CFAP299: variants seen among roughly 807,000 people sequenced by gnomAD.
CFAP299 encodes cilia and flagella associated protein 299.
Under a neutral mutation model 27.0 loss-of-function variants are expected in CFAP299, and 21 were observed. The observed-to-expected ratio is 0.78, with a 90% confidence interval of 0.55 to 1.12. The LOEUF is 1.12. Ranked by LOEUF, CFAP299 falls within the 50% of genes most tolerant of loss-of-function variation. The probability of loss-of-function intolerance (pLI) is 0.00; values close to 1 mark genes in which losing one functional copy is unlikely to be tolerated. For missense variants in CFAP299, 310 were observed against 276.6 expected (o/e 1.12, Z -0.86); for synonymous variants, 104 against 98.1 (o/e 1.06, Z -0.36).
At chr4:80,434,042 T>C (rs1727948734) in intron 2 of CFAP299, among the ~76,000 whole-genome samples, 2 of 152,190 alleles carry the variant, frequency 1.3e-5, no homozygotes, top group Non-Finnish European at 2.9e-5. Context: ...GCCTGTTATG[T>C]ATCAGGCATT....
intron 1 of CFAP299, among the ~76,000 whole-genome samples, chr4:80,354,077 A>C (rs1723139842): frequency 6.6e-6 from 1 of 152,218 alleles, no homozygotes; most frequent in Non-Finnish European, 1.5e-5. Flanking sequence ...CAAAGTTGTT[A>C]CTAGTTAGTA....
Position 80,671,498 on chromosome 4 carries a change from A to T in CFAP299, c.333+88315A>T, listed in dbSNP as rs570203527. Among the ~76,000 whole-genome samples the T allele has an allele frequency of 3.7e-3, 567 of 152,260 alleles. 1 individual carries two copies. The highest frequency in any genetic ancestry group is 5.0e-3 in the Non-Finnish European group (339 of 68,026). ...GCGGGCTCTTTTGTGGTTCCGTATG[A>T]ACTTTAAAGTAGTTTTTTTCCAGTT... On this transcript the variant is annotated intron_variant, in intron 3 of 5. Transcript: ENST00000358105.
intron 2 of CFAP299, among the ~76,000 whole-genome samples, chr4:80,471,335 A>C (rs1473512796): frequency 6.6e-6 from 1 of 152,006 alleles, no homozygotes; most frequent in Admixed American, 6.6e-5. Flanking sequence ...AATGTTTTCC[A>C]AACCCAACCA....
chr4:80,559,301 T>G (rs1734929309), intron 2 of CFAP299, among the ~76,000 whole-genome samples: 1 of 152,190 alleles, frequency 6.6e-6, no homozygotes, highest in African/African-American at 2.4e-5. Flanking sequence ...CTTTGAGGAC[T>G]TTTTAGTATT....
At chr4:80,853,514 G>A (rs1469169412) in intron 3 of CFAP299, among the ~76,000 whole-genome samples, 1 of 152,210 alleles carries the variant, frequency 6.6e-6, no homozygotes, top group African/African-American at 2.4e-5. Flanking sequence ...TATGAAGTGA[G>A]AGACCAAGAT....
chr4:80,559,950 G>C (rs1734958411), intron 2 of CFAP299, among the ~76,000 whole-genome samples: 1 of 152,252 alleles, frequency 6.6e-6, no homozygotes, highest in Non-Finnish European at 1.5e-5. Context: ...TAGGCCTAGA[G>C]ACAGTGGACT....
rs567285817 is a variant in CFAP299, at chr4:80,870,109, A to G, written c.450A>G (p.Arg150=). Residue 150 remains arginine (R), a synonymous_variant, in exon 4 of 6, where the codon AGA becomes AGG. Coordinates refer to ENST00000358105, the MANE Select transcript of CFAP299 (RefSeq NM_152770.3). ...AAGTCTACTTTACTGGAAAAAAAAG[A>G]CTTCTTCCAAGGCCTACAGATATAA... ...DFEVYFTGKK[R]LLPRPTDISF... 8.1e-6 allele frequency: 13 copies of G among 1,612,918 alleles called. No individual in the cohort carries two copies. The South Asian group carries it at 1.3e-4, about 16-fold the overall frequency.
At chr4:80,861,382 C>G (rs1732345730) in intron 3 of CFAP299, among the ~76,000 whole-genome samples, 1 of 152,204 alleles carries the variant, frequency 6.6e-6, no homozygotes, top group African/African-American at 2.4e-5. Context: ...CAATGCCTCA[C>G]CCTGCTTTGG....
At chr4:80,882,413 C>T (rs1037433611) in intron 4 of CFAP299, among the ~76,000 whole-genome samples, 4 of 152,006 alleles carry the variant, frequency 2.6e-5, no homozygotes, top group East Asian at 1.9e-4. Flanking sequence ...CCGAGGCGGG[C>T]GGATTACGAG....
intron 5 of CFAP299, among the ~76,000 whole-genome samples, chr4:80,958,747 A>G (rs531816996): frequency 1.1e-4 from 16 of 152,290 alleles, no homozygotes; most frequent in Admixed American, 8.5e-4. Flanking sequence ...TTTGGCCTAC[A>G]GTGGGTCCTG....
chr4:80,856,951 G>T (rs1404050812), intron 3 of CFAP299, among the ~76,000 whole-genome samples: 4 of 152,038 alleles, frequency 2.6e-5, no homozygotes, highest in African/African-American at 7.2e-5. Context: ...AAAGTCATTG[G>T]TAGCTTGATG....
At chr4:80,850,977 A>T (rs1731488974) in intron 3 of CFAP299, among the ~76,000 whole-genome samples, 1 of 152,132 alleles carries the variant, frequency 6.6e-6, no homozygotes, top group African/African-American at 2.4e-5. Flanking sequence ...TTTGGTTGAT[A>T]GTGTAGATAT....
At chr4:80,686,787 C>A (rs1720225732) in intron 3 of CFAP299, among the ~76,000 whole-genome samples, 1 of 152,130 alleles carries the variant, frequency 6.6e-6, no homozygotes. Context: ...AAATTCCTGC[C>A]AAAGATGCCT....
At chr4:80,631,772 A>G (rs753679756) in intron 3 of CFAP299, among the ~76,000 whole-genome samples, 75 of 152,012 alleles carry the variant, frequency 4.9e-4, no homozygotes, top group Non-Finnish European at 9.7e-4. Context: ...ACAATAATAA[A>G]AGAATTTTGG....
chr4:80,922,178 T>A (rs17005007), intron 4 of CFAP299, among the ~76,000 whole-genome samples: 2,894 of 152,174 alleles, frequency 0.019, 72 homozygotes, highest in African/African-American at 0.063. Context: ...AAGGAGGTTG[T>A]TCTTTCTACC....
At chr4:80,387,455 T>C in intron 2 of CFAP299, 2 of 834,022 alleles carry the variant, frequency 2.4e-6, no homozygotes, top group East Asian at 4.8e-5. Context: ...GACTACCTGC[T>C]TGGGTTTCCG....
chr4:80,493,264 T>A (rs906859805), intron 2 of CFAP299, among the ~76,000 whole-genome samples: 1 of 152,202 alleles, frequency 6.6e-6, no homozygotes, highest in Non-Finnish European at 1.5e-5. Flanking sequence ...CAAGGCAAGG[T>A]ACTTCTGTAG....
intron 3 of CFAP299, among the ~76,000 whole-genome samples, chr4:80,788,377 A>G (rs1362612755): frequency 1.3e-5 from 2 of 151,992 alleles, no homozygotes; most frequent in Non-Finnish European, 2.9e-5. Context: ...TAACTGAACT[A>G]ACTGTTGGAT....
At chr4:80,608,411 T>G (rs774532493) in intron 3 of CFAP299, 2 of 1,457,210 alleles carry the variant, frequency 1.4e-6, no homozygotes, top group South Asian at 2.4e-5. Context: ...AAAAGTTTCC[T>G]TTACAAGTTA....
Sources: gnomAD v4.1 joint callset for allele counts (sites outside exome capture counted in the v4.1 genomes callset) on GRCh38, gnomAD v4.1.1 for gene constraint, MANE v1.5 for transcripts, NCBI Gene and HGNC (gene_info 2026-07-23, HGNC 2026-07-21) for gene names.